MICU1: variants seen among roughly 807,000 people sequenced by gnomAD.
MICU1 encodes the protein mitochondrial calcium uptake 1, also known as calcium uptake protein 1, mitochondrial.
A neutral mutation model predicts 56.8 loss-of-function variants in MICU1; 45 were observed. The observed-to-expected ratio is 0.79, with a 90% CI of 0.62 to 1.02. The LOEUF (loss-of-function observed/expected upper bound fraction) is 1.02, where lower values mean the gene tolerates loss of function less well. Ranked by LOEUF, MICU1 falls within the 50% of genes least tolerant of loss-of-function variation. The probability of loss-of-function intolerance (pLI) is 0.00; values close to 1 mark genes in which losing one functional copy is unlikely to be tolerated. For synonymous variants in MICU1, 186 were observed against 195.1 expected (o/e 0.95, Z 0.39); for missense variants, 504 against 587.1 (o/e 0.86, Z 1.46).
chr10:72,591,761 G>A (rs138243881), intron 1 of MICU1, among the ~76,000 whole-genome samples: 118 of 152,084 alleles, frequency 7.8e-4, no homozygotes, highest in Middle Eastern at 3.4e-3. Context: ...GGTGGCTCAC[G>A]CTTGTAATCC....
chr10:72,447,800 T>C (rs930543978), intron 8 of MICU1, among the ~76,000 whole-genome samples: 2 of 152,014 alleles, frequency 1.3e-5, no homozygotes, highest in African/African-American at 4.8e-5. Context: ...GGAACAGAGG[T>C]CTATTATATT....
At chr10:72,400,617 G>A (rs758953829) in intron 10 of MICU1, among the ~76,000 whole-genome samples, 5 of 151,868 alleles carry the variant, frequency 3.3e-5, no homozygotes, top group Admixed American at 6.6e-5. Context: ...GTGGTGGCAG[G>A]CACCTGTAAT....
At chr10:72,578,638 C>T (rs910428264) in intron 1 of MICU1, among the ~76,000 whole-genome samples, 4 of 152,016 alleles carry the variant, frequency 2.6e-5, no homozygotes, top group Non-Finnish European at 5.9e-5. Context: ...GACAGAGTCT[C>T]GCTTTGTCAC....
chr10:72,435,315 G>C (rs1426822365), intron 8 of MICU1, among the ~76,000 whole-genome samples: 1 of 148,358 alleles, frequency 6.7e-6, no homozygotes, highest in Non-Finnish European at 1.5e-5. Context: ...TTGAGTCCAG[G>C]AGTTCAAGGC....
intron 1 of MICU1, among the ~76,000 whole-genome samples, chr10:72,580,276 T>G (rs1589363096): frequency 6.6e-6 from 1 of 152,276 alleles, no homozygotes; most frequent in South Asian, 2.1e-4. Context: ...TACCCACTAT[T>G]CCATCCAATG....
chr10:72,533,734 T>G lies in MICU1; in HGVS notation c.537+12A>C. 1.3e-6 allele frequency: 2 copies of G among 1,589,260 alleles called. No individual in the cohort carries two copies. Among genetic ancestry groups the G allele is most frequent in the South Asian group, 2.3e-5 (2 of 88,582 alleles). On this transcript the variant is annotated intron_variant, in intron 5 of 11. Coordinates refer to ENST00000361114, the MANE Select transcript of MICU1 (RefSeq NM_001195518.2). ...ATAGGATATATGTATAGAAGTGTCATAGTTTGCTCACCTTTCCATCAAAGC... is the reference window on the plus strand; with the variant it reads ...ATAGGATATATGTATAGAAGTGTCAGAGTTTGCTCACCTTTCCATCAAAGC...
intron 9 of MICU1, among the ~76,000 whole-genome samples, chr10:72,418,858 T>C (rs907417447): frequency 2.0e-5 from 3 of 152,270 alleles, no homozygotes; most frequent in Admixed American, 6.5e-5. Flanking sequence ...ACACTCACTT[T>C]AGTTAATTGC....
chr10:72,546,517 G>A (rs535663594), intron 4 of MICU1, among the ~76,000 whole-genome samples: 2 of 152,256 alleles, frequency 1.3e-5, no homozygotes, highest in East Asian at 3.9e-4. Flanking sequence ...CTTCCACCAT[G>A]TGGCTACACT....
At chr10:72,535,376 T>G (rs992180432) in intron 4 of MICU1, among the ~76,000 whole-genome samples, 3 of 152,004 alleles carry the variant, frequency 2.0e-5, no homozygotes, top group African/African-American at 7.3e-5. Context: ...GAGGATAAGG[T>G]AACCTCCCAA....
At chr10:72,499,585 T>C (rs1866958450) in intron 6 of MICU1, among the ~76,000 whole-genome samples, 2 of 152,206 alleles carry the variant, frequency 1.3e-5, no homozygotes, top group South Asian at 2.1e-4. Context: ...ACCTTCTTAA[T>C]CTTATTCTTC....
chr10:72,471,930 T>TTGTGTGTGTG (rs58543867), intron 8 of MICU1, among the ~76,000 whole-genome samples: 4,308 of 150,358 alleles, frequency 0.029, 72 homozygotes, highest in African/African-American at 0.048. Flanking sequence ...CACTATGCCT[T>TTGTGTGTGTG]TGTGTGTGTG....
chr10:72,586,835 G>T (rs540731993), intron 1 of MICU1, among the ~76,000 whole-genome samples: 1 of 152,206 alleles, frequency 6.6e-6, no homozygotes, highest in African/African-American at 2.4e-5. Context: ...AACAGGTGTA[G>T]TTGAAGACTA....
chr10:72,382,692 C>T (rs1412757572), intron 10 of MICU1, among the ~76,000 whole-genome samples: 1 of 151,926 alleles, frequency 6.6e-6, no homozygotes, highest in East Asian at 2.0e-4. Context: ...GCAGATCACC[C>T]GAGCTTAGGA....
At chr10:72,575,635 T>C (rs1345293524) in intron 1 of MICU1, among the ~76,000 whole-genome samples, 4 of 152,188 alleles carry the variant, frequency 2.6e-5, no homozygotes, top group African/African-American at 9.7e-5. Context: ...ATTATTACTG[T>C]ATTTGTTATC....
chr10:72,599,004 G>A (rs1252553945), intron 1 of MICU1, among the ~76,000 whole-genome samples: 1 of 152,040 alleles, frequency 6.6e-6, no homozygotes, highest in East Asian at 1.9e-4. Flanking sequence ...CCTAAAATGT[G>A]AGTTTCCCGT....
intron 10 of MICU1, among the ~76,000 whole-genome samples, chr10:72,404,956 G>C (rs532524283): frequency 6.6e-6 from 1 of 152,156 alleles, no homozygotes; most frequent in Admixed American, 6.5e-5. Flanking sequence ...ACCCAGTCTG[G>C]AGTGCAGTGG....
intron 1 of MICU1, among the ~76,000 whole-genome samples, chr10:72,598,198 A>T (rs998527428): frequency 2.0e-5 from 3 of 152,080 alleles, no homozygotes; most frequent in Non-Finnish European, 4.4e-5. Flanking sequence ...CAAAAATAAT[A>T]TATCTATCAC....
rs780329505 is a variant in MICU1, at chr10:72,377,067, A to G, written c.1181-1195T>C. 1.7e-4 allele frequency among the ~76,000 whole-genome samples: 25 copies of G among 151,228 alleles called. 1 individual carries two copies. In the South Asian group the frequency reaches 2.1e-3, roughly 13 times the overall value. On this transcript the variant is annotated intron_variant, in intron 10 of 11. Coordinates refer to ENST00000361114, the MANE Select transcript of MICU1 (RefSeq NM_001195518.2). The stretch of plus-strand genomic sequence containing the variant: ...CTGGTTTTGCACCAGACTTCTTCCA[A>G]CTGAGCCCATTGGTATATGCACTGG...
chr10:72,581,379 C>T (rs1336831969), intron 1 of MICU1, among the ~76,000 whole-genome samples: 1 of 152,160 alleles, frequency 6.6e-6, no homozygotes, highest in Non-Finnish European at 1.5e-5. Context: ...CCTGTAATCC[C>T]AGCACTTTGA....
Sources: gnomAD v4.1 joint callset for allele counts (sites outside exome capture counted in the v4.1 genomes callset) on GRCh38, gnomAD v4.1.1 for gene constraint, MANE v1.5 for transcripts, NCBI Gene and HGNC (gene_info 2026-07-23, HGNC 2026-07-21) for gene names.